LSAMP: variants seen among roughly 807,000 people sequenced by gnomAD.
LSAMP encodes limbic system-associated membrane protein.
In LSAMP, 7 loss-of-function variants were observed where a neutral mutation model predicts 38.6. That is an observed-to-expected ratio of 0.18 (90% CI 0.10 to 0.34). LSAMP has a LOEUF of 0.34. Ranked by LOEUF, LSAMP falls within the 10% of genes least tolerant of loss-of-function variation. The probability of loss-of-function intolerance (pLI) is 1.00; values close to 1 mark genes in which losing one functional copy is unlikely to be tolerated. For synonymous variants in LSAMP, 154 were observed against 166.8 expected, an observed-to-expected ratio of 0.92 and a Z score of 0.59; for missense variants, 313 against 420.0, an observed-to-expected ratio of 0.75 and a Z score of 2.23.
At chr3:116,145,092 TTATC>T (rs1354017544) in intron 1 of LSAMP, among the ~76,000 whole-genome samples, 1 of 151,978 alleles carries the variant, frequency 6.6e-6, no homozygotes, top group Non-Finnish European at 1.5e-5. Flanking sequence ...GATCTTTAGT[TTATC>T]TACAAGGTGG....
At chr3:116,210,910 G>C (rs2046147880) in intron 1 of LSAMP, among the ~76,000 whole-genome samples, 3 of 151,848 alleles carry the variant, frequency 2.0e-5, no homozygotes, top group Non-Finnish European at 4.4e-5. Context: ...GTTCAAAATA[G>C]CTAAGATAAG....
At chr3:116,299,005 A>AAGAT (rs2047371901) in intron 1 of LSAMP, among the ~76,000 whole-genome samples, 1 of 152,212 alleles carries the variant, frequency 6.6e-6, no homozygotes, top group Non-Finnish European at 1.5e-5. Context: ...AATTTTAAAA[A>AAGAT]AGATATATTT....
At chr3:116,420,100 T>TC (rs2049101782) in intron 1 of LSAMP, among the ~76,000 whole-genome samples, 1 of 150,000 alleles carries the variant, frequency 6.7e-6, no homozygotes, top group Non-Finnish European at 1.5e-5. Context: ...CTTTTTCTTT[T>TC]CTTTTTTTTT....
intron 4 of LSAMP, among the ~76,000 whole-genome samples, chr3:115,851,694 T>A (rs1401998678): frequency 6.6e-6 from 1 of 152,226 alleles, no homozygotes; most frequent in Admixed American, 6.5e-5. Flanking sequence ...CTGTCAAAGC[T>A]TCCCTTTGTC....
At chr3:116,057,932 T>TACACACACACACACACACACACACAC (rs535645480) in intron 2 of LSAMP, among the ~76,000 whole-genome samples, 6 of 136,654 alleles carry the variant, frequency 4.4e-5, no homozygotes, top group South Asian at 2.3e-4. Flanking sequence ...ATATAGTAGC[T>TACACACACACACACACACACACACAC]ACACACACAC....
chr3:115,996,089 A>G (rs1939807715), intron 3 of LSAMP, among the ~76,000 whole-genome samples: 1 of 152,088 alleles, frequency 6.6e-6, no homozygotes, highest in South Asian at 2.1e-4. Context: ...TCCACAAGGA[A>G]TATGTGAACT....
chr3:116,067,327 G>T (rs1431634949), intron 2 of LSAMP, among the ~76,000 whole-genome samples: 2 of 152,074 alleles, frequency 1.3e-5, no homozygotes, highest in Non-Finnish European at 2.9e-5. Flanking sequence ...GGCATTACTG[G>T]CTACTCTGCA....
intron 4 of LSAMP, among the ~76,000 whole-genome samples, chr3:115,850,540 C>A (rs1041153991): frequency 4.6e-5 from 7 of 152,168 alleles, no homozygotes; most frequent in African/African-American, 1.7e-4. Flanking sequence ...CTAAAGCATT[C>A]TATAACATTG....
At chr3:116,316,114 C>A (rs2047625625) in intron 1 of LSAMP, among the ~76,000 whole-genome samples, 1 of 152,078 alleles carries the variant, frequency 6.6e-6, no homozygotes, top group Non-Finnish European at 1.5e-5. Context: ...GTAGTGGGAC[C>A]TAGAGAGAAA....
At chr3:115,893,423 A>C (rs1360194537) in intron 3 of LSAMP, among the ~76,000 whole-genome samples, 1 of 152,078 alleles carries the variant, frequency 6.6e-6, no homozygotes, top group East Asian at 1.9e-4. Flanking sequence ...AGAAAACTTG[A>C]AATGCACTTA....
At chr3:116,258,513 A>G (rs1338445396) in intron 1 of LSAMP, among the ~76,000 whole-genome samples, 1 of 151,934 alleles carries the variant, frequency 6.6e-6, no homozygotes, top group Non-Finnish European at 1.5e-5. Flanking sequence ...AGCTTTTTTA[A>G]AATTAAATTT....
chr3:116,058,398 A>G (rs1468746466), intron 2 of LSAMP, among the ~76,000 whole-genome samples: 1 of 151,862 alleles, frequency 6.6e-6, no homozygotes, highest in Non-Finnish European at 1.5e-5. Flanking sequence ...AACACTTAAC[A>G]TATTTGCTCT....
At chr3:116,307,614 C>T (rs79063497) in intron 1 of LSAMP, among the ~76,000 whole-genome samples, 7,955 of 151,850 alleles carry the variant, frequency 0.052, 282 homozygotes, top group Non-Finnish European at 0.079. Flanking sequence ...TAGTCATGCA[C>T]TATTATTCAA....
chr3:116,425,052 C>T lies in LSAMP; in HGVS notation c.155+19825G>A, dbSNP rs191235925. 1.8e-4 allele frequency among the ~76,000 whole-genome samples: 28 copies of T among 151,570 alleles called. 1 individual carries two copies. Among genetic ancestry groups the T allele is most frequent in the African/African-American group, 5.6e-4 (23 of 41,314 alleles). ...TTGCCAAGCCAAATAAATTGTCTAC[C>T]GTGCAGGGGCTGGGCATTTAGATCT... is the stretch of plus-strand genomic sequence containing the variant. On this transcript the variant is annotated intron_variant, in intron 1 of 6. Coordinates refer to ENST00000490035, the MANE Select transcript of LSAMP (RefSeq NM_002338.5).
At chr3:115,815,648 T>C (rs541941271) in intron 6 of LSAMP, among the ~76,000 whole-genome samples, 1 of 152,354 alleles carries the variant, frequency 6.6e-6, no homozygotes, top group African/African-American at 2.4e-5. Flanking sequence ...AAAACAATGC[T>C]ATGCCTTATT....
intron 1 of LSAMP, among the ~76,000 whole-genome samples, chr3:116,108,536 C>T (rs145908154): frequency 0.038 from 5,718 of 152,134 alleles, 204 homozygotes; most frequent in Non-Finnish European, 0.052. Flanking sequence ...GCTCGGCGTC[C>T]GTGATGGTCT....
chr3:116,392,896 A>T (rs2048723107), intron 1 of LSAMP, among the ~76,000 whole-genome samples: 1 of 152,036 alleles, frequency 6.6e-6, no homozygotes, highest in Non-Finnish European at 1.5e-5. Context: ...CTCTGTTGAG[A>T]ACTAAGGAAA....
chr3:116,291,902 T>C (rs2047271878), intron 1 of LSAMP, among the ~76,000 whole-genome samples: 1 of 152,218 alleles, frequency 6.6e-6, no homozygotes, highest in Non-Finnish European at 1.5e-5. Flanking sequence ...CTCCTGTTTT[T>C]ATAGAGAAAT....
chr3:115,835,337 T>C (rs1434919764), intron 6 of LSAMP, among the ~76,000 whole-genome samples: 5 of 152,176 alleles, frequency 3.3e-5, no homozygotes, highest in Admixed American at 3.3e-4. Flanking sequence ...TAAAAGTATC[T>C]GACAGTCCCA....
Sources: gnomAD v4.1 joint callset for allele counts (sites outside exome capture counted in the v4.1 genomes callset) on GRCh38, gnomAD v4.1.1 for gene constraint, MANE v1.5 for transcripts, NCBI Gene and HGNC (gene_info 2026-07-23, HGNC 2026-07-21) for gene names.